Variants in SHROOM4 observed in about 807,000 individuals in gnomAD.
SHROOM4 encodes protein Shroom4.
SHROOM4 carries 17 observed loss-of-function variants against 80.3 expected under a neutral mutation model. The ratio of observed to expected loss-of-function variants is 0.21; its 90% CI spans 0.14 to 0.32. The LOEUF (loss-of-function observed/expected upper bound fraction) is 0.32. Ranked by LOEUF, SHROOM4 falls within the 10% of genes least tolerant of loss-of-function variation. The pLI is 1.00. For synonymous variants in SHROOM4, 400 were observed against 437.5 expected, an observed-to-expected ratio of 0.91 and a Z score of 1.07; for missense variants, 993 against 1,140.3, an observed-to-expected ratio of 0.87 and a Z score of 1.86.
intron 2 of SHROOM4, among the ~76,000 whole-genome samples, chrX:50,685,197 A>G (rs1933042503): frequency 8.9e-6 from 1 of 112,182 alleles, no homozygotes; most frequent in Admixed American, 9.4e-5. Context: ...AACACTGCAC[A>G]GGGAGCTCAG....
intron 6 of SHROOM4, among the ~76,000 whole-genome samples, chrX:50,605,061 A>G (rs1929605063): frequency 8.9e-6 from 1 of 111,734 alleles, no homozygotes; most frequent in Admixed American, 9.5e-5. Flanking sequence ...TATGTCCCTT[A>G]CAAAATCTTA....
intron 5 of SHROOM4, among the ~76,000 whole-genome samples, chrX:50,623,726 T>C (rs2147269647): frequency 8.9e-6 from 1 of 112,150 alleles, no homozygotes; most frequent in African/African-American, 3.2e-5. Flanking sequence ...TGTACATGAA[T>C]GTTCATAGCA....
At chrX:50,584,639 G>T (rs1557244620), downstream of SHROOM4, among the ~76,000 whole-genome samples, 1 of 111,574 alleles carries the variant, frequency 9.0e-6, no homozygotes, top group African/African-American at 3.3e-5. Flanking sequence ...ATATTTAGGA[G>T]ACAGAATTGA....
rs1444035574 is a variant in SHROOM4 at position 50,723,689 on chromosome X, T to TA, written c.118-27753dup. Among the ~76,000 whole-genome samples, 3 of 111,008 alleles carry TA rather than the reference T, an allele frequency of 2.7e-5. No homozygotes were observed. In the Admixed American group the frequency reaches 2.9e-4, roughly 11 times the overall value. ...AGGCCTCTGAGCCCATGGTAACTCT[T>TA]ACAGTGGAGGGTAAGTCCGTCCCCT... On this transcript the variant is annotated intron_variant, in intron 1 of 8. Coordinates refer to ENST00000376020, the MANE Select transcript of SHROOM4 (RefSeq NM_020717.5).
intron 1 of SHROOM4, among the ~76,000 whole-genome samples, chrX:50,801,291 A>AGAGAGAGAGAG (rs782711842): frequency 3.0e-4 from 31 of 103,522 alleles, no homozygotes; most frequent in East Asian, 1.3e-3. Context: ...AGAGAGAGAG[A>AGAGAGAGAGAG]ACACGTACTG....
chrX:50,585,401 G>A (rs1557244697), downstream of SHROOM4, among the ~76,000 whole-genome samples: 1 of 111,296 alleles, frequency 9.0e-6, no homozygotes, highest in Non-Finnish European at 1.9e-5. Flanking sequence ...AGAGGGACCA[G>A]CCTTTTTGAG....
At chrX:50,784,983 T>C (rs1347874137) in intron 1 of SHROOM4, among the ~76,000 whole-genome samples, 1 of 111,904 alleles carries the variant, frequency 8.9e-6, no homozygotes, top group Admixed American at 9.5e-5. Context: ...AAAGATGATA[T>C]ACATATGGCA....
chrX:50,664,956 T>C (rs1932645344), intron 2 of SHROOM4, among the ~76,000 whole-genome samples: 1 of 102,653 alleles, frequency 9.7e-6, no homozygotes, highest in South Asian at 4.2e-4. Flanking sequence ...CACACACACT[T>C]TGGGGACAAT....
intron 1 of SHROOM4, among the ~76,000 whole-genome samples, chrX:50,779,408 A>G (rs1935577001): frequency 8.9e-6 from 1 of 112,538 alleles, no homozygotes; most frequent in Non-Finnish European, 1.9e-5. Context: ...AAGGATTAGC[A>G]TTGTAAGAAC....
intron 3 of SHROOM4, 112 bp from the exon 4 acceptor site, chrX:50,635,780 A>C (rs1391545147): frequency 5.1e-6 from 2 of 393,562 alleles, no homozygotes; most frequent in Non-Finnish European, 8.3e-6. Flanking sequence ...GAGGGTAGGC[A>C]AAAAAAAAAA....
At chrX:50,808,885 A>G (rs782473341) in intron 1 of SHROOM4, among the ~76,000 whole-genome samples, 75 of 110,825 alleles carry the variant, frequency 6.8e-4, no homozygotes, top group African/African-American at 2.4e-3. Flanking sequence ...GTGGCTCTCA[A>G]TGGGGTACCA....
At chrX:50,807,593 G>T (rs1936252509) in intron 1 of SHROOM4, among the ~76,000 whole-genome samples, 1 of 111,847 alleles carries the variant, frequency 8.9e-6, no homozygotes, top group African/African-American at 3.3e-5. Flanking sequence ...TTCATTAAAT[G>T]CCATTTCCTT....
intron 1 of SHROOM4, among the ~76,000 whole-genome samples, chrX:50,753,214 T>A (rs1052813348): frequency 8.9e-5 from 10 of 111,975 alleles, no homozygotes; most frequent in African/African-American, 3.2e-4. Flanking sequence ...TCTGCAGAGA[T>A]ATGTAACCTC....
rs184865408 is a variant in SHROOM4, at chrX:50,635,515, A to C, written c.558T>G (p.Arg186=). 13 of 1,209,039 alleles carry C rather than the reference A, an allele frequency of 1.1e-5. No individual in the cohort carries two copies. The Admixed American group carries it at 2.8e-4, about 26-fold the overall frequency. ...CCGAGAAGGAGCTGTAGGCTGAGTC[A>C]CGCTGGTTAGGGTACATGTTCTGGT... ...PIDQNMYPNQ[R]DSAYSSFSAS... Residue 186 remains arginine, a synonymous_variant, in exon 4 of 9, where the codon CGT becomes CGG. Transcript: ENST00000376020.
At chrX:50,673,774 A>G (rs1459196446) in intron 2 of SHROOM4, among the ~76,000 whole-genome samples, 1 of 110,543 alleles carries the variant, frequency 9.0e-6, no homozygotes. Flanking sequence ...AACCAAAGAA[A>G]TAAATGGCAT....
chrX:50,765,246 A>G (rs1236236638), intron 1 of SHROOM4, among the ~76,000 whole-genome samples: 1 of 112,183 alleles, frequency 8.9e-6, no homozygotes, highest in African/African-American at 3.2e-5. Context: ...GGCTTTATGT[A>G]TATAGACCAA....
At position 50,781,000 on chromosome X, in the gene SHROOM4, A is replaced by G. The variant is rs150703407; in HGVS notation, c.117+32902T>C. Among the ~76,000 whole-genome samples, 295 of 111,691 alleles carry G rather than the reference A, an allele frequency of 2.6e-3. 1 individual carries two copies. Among genetic ancestry groups the G allele is most frequent in the African/African-American group, 9.4e-3 (288 of 30,747 alleles). On this transcript the variant is annotated intron_variant, in intron 1 of 8. Coordinates refer to ENST00000376020, the MANE Select transcript of SHROOM4 (RefSeq NM_020717.5). The stretch of plus-strand genomic sequence containing the variant: ...TGAGAACTAGGACAGCCAAAGGTGT[A>G]AGTCCCAGTCTGAGTCTGAAGGCCT...
intron 1 of SHROOM4, among the ~76,000 whole-genome samples, chrX:50,774,400 A>T (rs892473349): frequency 1.8e-5 from 2 of 111,730 alleles, no homozygotes; most frequent in Non-Finnish European, 3.8e-5. Context: ...TTGAGAATAC[A>T]TCTCTTGAAA....
chrX:50,684,003 T>C (rs193204423), intron 2 of SHROOM4, among the ~76,000 whole-genome samples: 1 of 111,661 alleles, frequency 9.0e-6, no homozygotes, highest in East Asian at 2.8e-4. Context: ...ATAGTGTTTC[T>C]GGAGCCAAAG....
Sources: allele counts gnomAD v4.1 joint callset (sites outside exome capture counted in the v4.1 genomes callset), GRCh38; gene constraint gnomAD v4.1.1; transcripts MANE v1.5; gene names NCBI Gene and HGNC (gene_info 2026-07-23, HGNC 2026-07-21).